KIF5A: variants seen among roughly 807,000 people sequenced by gnomAD.
KIF5A encodes the protein kinesin heavy chain isoform 5A.
Under a neutral mutation model 141.3 loss-of-function variants are expected in KIF5A, and 35 were observed. The observed-to-expected ratio is 0.25, with a 90% CI of 0.19 to 0.33. KIF5A has a LOEUF of 0.33. KIF5A is among the 10% of genes least tolerant of loss of function. The probability of loss-of-function intolerance (pLI) is 1.00; values close to 1 mark genes in which losing one functional copy is unlikely to be tolerated. For synonymous variants in KIF5A, 448 were observed against 500.2 expected (o/e 0.90, Z 1.39); for missense variants, 861 against 1,314.3 (o/e 0.66, Z 5.33).
intron 11 of KIF5A, 59 bp from the exon 12 acceptor site, chr12:57,569,928 G>C: frequency 6.3e-7 from 1 of 1,577,870 alleles, no homozygotes; most frequent in African/African-American, 1.3e-5. Flanking sequence ...TGAGAAGGAA[G>C]AACTCGTGGA....
Position 57,584,351 on chromosome 12 carries a change from T to C in KIF5A, c.*170T>C, listed in dbSNP as rs761486570. 6.5e-6 allele frequency: 1 copy of C among 152,684 alleles called. No individual in the cohort carries two copies. Among genetic ancestry groups the C allele is most frequent in the East Asian group, 1.9e-4 (1 of 5,200 alleles). The allele number at this position is 152,684 out of a possible 1,614,324, so 9.5% of individuals were successfully genotyped here. A position where few individuals can be genotyped will look rare whatever the true frequency, so the allele number is the denominator to read the frequency against. On this transcript the variant is annotated 3_prime_UTR_variant, in exon 29 of 29. Transcript: ENST00000455537. ...CTCTTACTTACTCTGTATCTCTTTGTACTCTGTATCTATATATCAAAAGCT... is the reference window on the plus strand; with the variant it reads ...CTCTTACTTACTCTGTATCTCTTTGCACTCTGTATCTATATATCAAAAGCT...
chr12:57,583,229 GC>G lies in KIF5A; in HGVS notation c.*36+15del. 1 of 1,516,704 alleles carries G rather than the reference GC, an allele frequency of 6.6e-7. No individual in the cohort carries two copies. Among genetic ancestry groups the G allele is most frequent in the Non-Finnish European group, 9.1e-7 (1 of 1,099,546 alleles). 94.0% of individuals were successfully genotyped at this position (1,516,704 alleles called of 1,614,324 possible). A position where few individuals can be genotyped will look rare whatever the true frequency, so the allele number is the denominator to read the frequency against. On this transcript the variant is annotated intron_variant, in intron 28 of 28. Coordinates refer to ENST00000455537, the MANE Select transcript of KIF5A (RefSeq NM_004984.4). ...CTGCACTTTCAGGTAGCGTCAGGCTGCTTCCTCGGACCAGCCTCAGGTTGCT... is the reference window on the plus strand; with the variant it reads ...CTGCACTTTCAGGTAGCGTCAGGCTGTTCCTCGGACCAGCCTCAGGTTGCT...
chr12:57,563,068 G>A (rs929518919), intron 1 of KIF5A, among the ~76,000 whole-genome samples: 8 of 150,344 alleles, frequency 5.3e-5, no homozygotes, highest in South Asian at 4.2e-4. Flanking sequence ...GTGCAGTGGC[G>A]CAATCTCGGC....
In KIF5A at chr12:57,581,857, C is replaced by G. The variant is rs369917796; in HGVS notation, c.2910-13C>G. The G allele has an allele frequency of 2.0e-5, 33 of 1,613,310 alleles. No individual in the cohort carries two copies. In the South Asian group the frequency reaches 3.2e-4, roughly 16 times the overall value. ...GGGTGTCAGAGGCTGCCTCTTTCCTCTGCTCCATCCAGCTTTGCAAACTCC... is the reference window on the plus strand; with the variant it reads ...GGGTGTCAGAGGCTGCCTCTTTCCTGTGCTCCATCCAGCTTTGCAAACTCC... On this transcript the variant is annotated splice_polypyrimidine_tract_variant and intron_variant, in intron 25 of 28. Coordinates refer to ENST00000455537, the MANE Select transcript of KIF5A (RefSeq NM_004984.4).
At chr12:57,563,768 TC>T in intron 3 of KIF5A, 75 bp downstream of exon 3, 1 of 1,366,244 alleles carries the variant, frequency 7.3e-7, no homozygotes. Flanking sequence ...TGGGGGAAGG[TC>T]TAGGAATCAA....
Position 57,575,233 on chromosome 12 carries a change from C to T in KIF5A, c.1866C>T (p.Thr622=), listed in dbSNP as rs144382702. 1.1e-4 allele frequency: 182 copies of T among 1,613,568 alleles called. No individual in the cohort carries two copies. The highest frequency in any genetic ancestry group is 1.4e-4 in the Non-Finnish European group (166 of 1,179,860). ...AGTGTCACCGCAAGATGGAAGTGAC[C>T]GGGCGGGAGCTCTCATCCTGCCAGC... is the stretch of plus-strand genomic sequence containing the variant. ...QVECHRKMEV[T]GRELSSCQLL... The change falls in exon 16 of 29, where the codon ACC becomes ACT. Residue 622 remains threonine (T), a synonymous_variant. Coordinates refer to ENST00000455537, the MANE Select transcript of KIF5A (RefSeq NM_004984.4).
Position 57,564,286 on chromosome 12 carries a change from G to A in KIF5A, c.396+74G>A, listed in dbSNP as rs541446106. 1.7e-4 allele frequency: 208 copies of A among 1,210,774 alleles called. 3 individuals are homozygous for A. In the South Asian group the frequency reaches 2.4e-3, roughly 14 times the overall value. 75.0% of individuals were successfully genotyped at this position (1,210,774 alleles called of 1,614,324 possible). A position where few individuals can be genotyped will look rare whatever the true frequency, so the allele number is the denominator to read the frequency against. ...AGATCTAAAATCTTCCCACTGAAGA[G>A]CCTGGGCTCCCCAACTTGACTCCCT... On this transcript the variant is annotated intron_variant, in intron 4 of 28. Transcript: ENST00000455537.
rs1224794640 is a variant in KIF5A, at chr12:57,550,228, C to CCCTG, written c.-42_-39dup. The stretch of plus-strand genomic sequence containing the variant: ...CCCTCTCCTCTGGAGCACACACCAC[C>CCCTG]CCTGCAGCCCAAGAAGAGTCCCAGC... On this transcript the variant is annotated 5_prime_UTR_variant, in exon 1 of 29. Transcript: ENST00000455537. This position sits in a 1 kb window ranked among gnomAD's most constrained non-coding sequence, Gnocchi z 4.6. 3.7e-6 allele frequency: 6 copies of CCCTG among 1,612,684 alleles called. No homozygotes were observed. The highest frequency in any genetic ancestry group is 1.7e-5 in the Admixed American group (1 of 60,004).
chr12:57,580,287 C>G (rs911364743), intron 23 of KIF5A, among the ~76,000 whole-genome samples: 3 of 152,154 alleles, frequency 2.0e-5, no homozygotes, highest in African/African-American at 7.2e-5. Context: ...CTCCCATGCT[C>G]TAGCTTAATT....
intron 15 of KIF5A, among the ~76,000 whole-genome samples, chr12:57,574,038 C>A (rs1882342602): frequency 7.0e-6 from 1 of 142,218 alleles, no homozygotes; most frequent in Non-Finnish European, 1.5e-5. Flanking sequence ...AGCAGAGATG[C>A]GGCACTGCAC....
intron 1 of KIF5A, among the ~76,000 whole-genome samples, chr12:57,556,109 A>T (rs1881733008): frequency 6.6e-6 from 1 of 150,698 alleles, no homozygotes; most frequent in Admixed American, 6.6e-5. Context: ...TGCTCAGGAG[A>T]TTACTAAATG....
rs996897591 is a variant in KIF5A, at chr12:57,581,786, C to T, written c.2910-84C>T. The T allele has an allele frequency of 8.1e-6, 11 of 1,358,062 alleles. No individual in the cohort carries two copies. The Admixed American group carries it at 1.5e-4, about 19-fold the overall frequency. 84.1% of individuals were successfully genotyped at this position (1,358,062 alleles called of 1,614,324 possible). A position where few individuals can be genotyped will look rare whatever the true frequency, so the allele number is the denominator to read the frequency against. ...GATGGGGAGGGCTGAGCAGCTCTAT[C>T]ACTGAGGATGAGTGTGGATTAGTGG... On this transcript the variant is annotated intron_variant, in intron 25 of 28. Transcript: ENST00000455537.
At chr12:57,567,848 G>C (rs1207924171) in intron 8 of KIF5A, among the ~76,000 whole-genome samples, 1 of 151,556 alleles carries the variant, frequency 6.6e-6, no homozygotes, top group Non-Finnish European at 1.5e-5. Flanking sequence ...TTTTAGTAGA[G>C]AGGGGATTTC....
intron 19 of KIF5A, 138 bp downstream of exon 19, chr12:57,576,516 C>A: frequency 1.3e-6 from 1 of 755,060 alleles, no homozygotes; most frequent in Non-Finnish European, 2.3e-6. Flanking sequence ...CGTAGCCCCA[C>A]CTCAGGAGAC....
intron 17 of KIF5A, 119 bp from the exon 18 acceptor site, chr12:57,575,968 A>T (rs1594922450): frequency 9.7e-7 from 1 of 1,028,110 alleles, no homozygotes; most frequent in East Asian, 2.4e-5. Context: ...GACAGTCCTA[A>T]CACAGAAGAA....
Position 57,572,519 on chromosome 12 carries a change from C to T in KIF5A, c.1570-61C>T. The T allele has an allele frequency of 1.2e-6, 2 of 1,609,910 alleles. No homozygotes were observed. The highest frequency in any genetic ancestry group is 1.7e-6 in the Non-Finnish European group (2 of 1,177,384). ...TCTTGCATGAAGGGAGAGGCCTCTG[C>T]CTGGGCTGGGCAAGGGAGCAGGAGG... is the stretch of plus-strand genomic sequence containing the variant. On this transcript the variant is annotated intron_variant, in intron 14 of 28. Transcript: ENST00000455537. The surrounding 1 kb of genome is among the most constrained non-coding windows in gnomAD (Gnocchi z 4.2).
chr12:57,564,287 C>A (rs1046743369), intron 4 of KIF5A, 75 bp downstream of exon 4: 2 of 1,181,722 alleles, frequency 1.7e-6, no homozygotes, highest in Non-Finnish European at 2.5e-6. Context: ...CACTGAAGAG[C>A]CTGGGCTCCC....
chr12:57,575,129 C>T lies in KIF5A; in HGVS notation c.1762C>T (p.Arg588Ter), dbSNP rs1555178348. The T allele has an allele frequency of 1.9e-6, 3 of 1,613,890 alleles. No individual in the cohort carries two copies. Among genetic ancestry groups the T allele is most frequent in the East Asian group, 2.2e-5 (1 of 44,876 alleles). Residue 588 changes from arginine (R) to a stop codon, truncating the protein, a stop_gained, in exon 16 of 29, where the codon CGA (arginine) becomes TGA (stop). Coordinates refer to ENST00000455537, the MANE Select transcript of KIF5A (RefSeq NM_004984.4). LOFTEE classifies it high-confidence loss of function. ...GAIEEEFTVA[R>*]LYISKIKSEV... ...CATCGAGGAGGAGTTCACTGTGGCC[C>T]GACTCTACATCAGCAAAATCAAATC... is the stretch of plus-strand genomic sequence containing the variant.
At chr12:57,567,381 C>T in intron 7 of KIF5A, 113 bp from the exon 8 acceptor site, 1 of 1,344,434 alleles carries the variant, frequency 7.4e-7, no homozygotes, top group Non-Finnish European at 1.0e-6. Context: ...CAGGGCTAGT[C>T]CTGGTGGGCA....
Sources: gnomAD v4.1 joint callset for allele counts (sites outside exome capture counted in the v4.1 genomes callset) on GRCh38, gnomAD v4.1.1 for gene constraint, Gnocchi (gnomAD v3.1) non-coding constraint, MANE v1.5 for transcripts, NCBI Gene and HGNC (gene_info 2026-07-23, HGNC 2026-07-21) for gene names.